The following PARD3B variants were observed in gnomAD, a reference collection of about 807,000 sequenced individuals.
PARD3B encodes the protein par-3 family cell polarity regulator beta.
A neutral mutation model predicts 130.2 loss-of-function variants in PARD3B; 103 were observed. The observed-to-expected ratio is 0.79, with a 90% CI of 0.67 to 0.93. PARD3B has a LOEUF of 0.93. Ranked by LOEUF, PARD3B falls within the 40% of genes least tolerant of loss-of-function variation. The probability of loss-of-function intolerance (pLI) is 0.00; values close to 1 mark genes in which losing one functional copy is unlikely to be tolerated. For missense variants in PARD3B, 1,609 were observed against 1,499.2 expected (o/e 1.07, Z -1.21); for synonymous variants, 583 against 553.2 (o/e 1.05, Z -0.76).
At chr2:205,515,611 T>A (rs2050763817) in intron 21 of PARD3B, among the ~76,000 whole-genome samples, 1 of 152,204 alleles carries the variant, frequency 6.6e-6, no homozygotes, top group South Asian at 2.1e-4. Context: ...TGTCTTTTTT[T>A]GAAAAGTATC....
chr2:205,374,028 G>A (rs148585656), intron 18 of PARD3B, among the ~76,000 whole-genome samples: 8 of 152,126 alleles, frequency 5.3e-5, no homozygotes, highest in East Asian at 3.9e-4. Context: ...TGTCAGTAGC[G>A]ATCATGAGAG....
Position 205,276,301 on chromosome 2 carries a change from C to T in PARD3B, c.2186-24229C>T, listed in dbSNP as rs543608278. On this transcript the variant is annotated intron_variant, in intron 16 of 22. Transcript: ENST00000406610. This position sits in a 1 kb window ranked among gnomAD's most constrained non-coding sequence, Gnocchi z 5.0. ...GCCTGGTGCTGACAGCCTTGGCAAA[C>T]AACCTAGAGAGAAAATATGTCTTCT... Among the ~76,000 whole-genome samples, 1 of 152,308 alleles carries T rather than the reference C, an allele frequency of 6.6e-6. No individual in the cohort carries two copies. Among genetic ancestry groups the T allele is most frequent in the South Asian group, 2.1e-4 (1 of 4,826 alleles).
chr2:205,543,581 G>T (rs1004810805), intron 21 of PARD3B, among the ~76,000 whole-genome samples: 2 of 152,212 alleles, frequency 1.3e-5, no homozygotes, highest in African/African-American at 4.8e-5. Flanking sequence ...ATTGTCGGGG[G>T]AGAAATGTTG....
At position 205,572,219 on chromosome 2, in the gene PARD3B, G is replaced by A. The variant is rs1402265248; in HGVS notation, c.3260+18816G>A. 1.3e-5 allele frequency among the ~76,000 whole-genome samples: 2 copies of A among 151,816 alleles called. No individual in the cohort carries two copies. Among genetic ancestry groups the A allele is most frequent in the African/African-American group, 2.4e-5 (1 of 41,092 alleles). On this transcript the variant is annotated intron_variant, in intron 22 of 22. Transcript: ENST00000406610. This position sits in a 1 kb window ranked among gnomAD's most constrained non-coding sequence, Gnocchi z 4.2. Reference sequence around the variant, plus strand: ...CAGTCTCTGGTACCTTGGGAAGAGAGTAGAAGAATGACAAATTATAGATTA... The same window carrying A: ...CAGTCTCTGGTACCTTGGGAAGAGAATAGAAGAATGACAAATTATAGATTA...
intron 2 of PARD3B, among the ~76,000 whole-genome samples, chr2:204,930,125 T>C (rs1294150931): frequency 2.0e-5 from 3 of 152,076 alleles, no homozygotes; most frequent in Non-Finnish European, 4.4e-5. Context: ...TCTCTCTATG[T>C]AGTCCATTCT....
chr2:204,699,214 C>T (rs912654053), intron 2 of PARD3B, among the ~76,000 whole-genome samples: 6 of 152,040 alleles, frequency 3.9e-5, no homozygotes, highest in African/African-American at 7.2e-5. Context: ...CCTGGAGACT[C>T]CCAGGGAGCC....
chr2:205,546,857 TA>T (rs2052402289), intron 21 of PARD3B, among the ~76,000 whole-genome samples: 1 of 152,186 alleles, frequency 6.6e-6, no homozygotes, highest in South Asian at 2.1e-4. Context: ...ATATAGCCAT[TA>T]AAAATCATGT....
chr2:204,750,230 A>G (rs1028299402), intron 2 of PARD3B, among the ~76,000 whole-genome samples: 2 of 152,190 alleles, frequency 1.3e-5, no homozygotes, highest in Non-Finnish European at 2.9e-5. Context: ...GCTTTGAGTT[A>G]AAAGGTGGTA....
At chr2:205,438,557 G>A (rs1354895929) in intron 19 of PARD3B, among the ~76,000 whole-genome samples, 2 of 152,158 alleles carry the variant, frequency 1.3e-5, no homozygotes, top group Admixed American at 6.5e-5. Context: ...TCAGGGTGCA[G>A]CAAGCATTCT....
chr2:205,243,127 T>C (rs1439310135), intron 15 of PARD3B, among the ~76,000 whole-genome samples: 1 of 152,066 alleles, frequency 6.6e-6, no homozygotes, highest in African/African-American at 2.4e-5. Flanking sequence ...GATCGTGCCA[T>C]TGCACTTTAG....
At chr2:205,377,817 C>A (rs1162555967) in intron 18 of PARD3B, among the ~76,000 whole-genome samples, 1 of 140,460 alleles carries the variant, frequency 7.1e-6, no homozygotes, top group Non-Finnish European at 1.5e-5. Flanking sequence ...GTTCCCCAGG[C>A]TGGAGTGCAA....
Position 205,444,292 on chromosome 2 carries a change from G to GT in PARD3B, c.3044+3630dup, listed in dbSNP as rs906828949. ...GCCACCATACCCGGCCTCTACAAAA[G>GT]TTTTTTTTTTAACTATCCAGGTGTG... is the stretch of plus-strand genomic sequence containing the variant. On this transcript the variant is annotated intron_variant, in intron 20 of 22. Coordinates refer to ENST00000406610, the MANE Select transcript of PARD3B (RefSeq NM_001302769.2). Among the ~76,000 whole-genome samples the GT allele has an allele frequency of 6.8e-4, 102 of 149,618 alleles. 1 individual carries two copies. The highest frequency in any genetic ancestry group is 5.1e-3 in the East Asian group (26 of 5,096).
intron 6 of PARD3B, among the ~76,000 whole-genome samples, chr2:205,115,973 T>C (rs146544412): frequency 6.6e-6 from 1 of 152,262 alleles, no homozygotes; most frequent in African/African-American, 2.4e-5. Context: ...GCCACACCTG[T>C]TGTTGAATAA....
In PARD3B at chr2:205,138,056, T is replaced by C. The variant is rs112402641; in HGVS notation, c.1434+12319T>C. Among the ~76,000 whole-genome samples the C allele has an allele frequency of 1.6e-3, 250 of 152,292 alleles. 2 individuals are homozygous for C. Among genetic ancestry groups the C allele is most frequent in the African/African-American group, 5.4e-3 (226 of 41,554 alleles). On this transcript the variant is annotated intron_variant, in intron 10 of 22. Transcript: ENST00000406610. The stretch of plus-strand genomic sequence containing the variant: ...ATAGGGAAGTGGGAGTGTGCACTGT[T>C]CTATAGCCGAATAAGTATTGGTCAG...
intron 2 of PARD3B, among the ~76,000 whole-genome samples, chr2:204,938,846 G>C (rs1688666578): frequency 6.6e-6 from 1 of 152,150 alleles, no homozygotes; most frequent in African/African-American, 2.4e-5. Flanking sequence ...CCGTAGCCCA[G>C]TGTAGTGCCT....
At chr2:204,567,818 C>T (rs778052122) in intron 1 of PARD3B, among the ~76,000 whole-genome samples, 3 of 152,186 alleles carry the variant, frequency 2.0e-5, no homozygotes, top group Non-Finnish European at 4.4e-5. Flanking sequence ...TATCATTTTA[C>T]AGTCCCATCA....
intron 19 of PARD3B, among the ~76,000 whole-genome samples, chr2:205,408,556 CAT>C (rs909262456): frequency 8.5e-5 from 13 of 152,240 alleles, no homozygotes; most frequent in African/African-American, 2.4e-4. Flanking sequence ...AATCTACACA[CAT>C]ATAACGCTCC....
At chr2:205,224,017 TCA>T (rs2038383264) in intron 15 of PARD3B, among the ~76,000 whole-genome samples, 1 of 142,758 alleles carries the variant, frequency 7.0e-6, no homozygotes, top group Non-Finnish European at 1.5e-5. Context: ...TGAGCCAAGA[TCA>T]CACCACTGCA....
intron 15 of PARD3B, among the ~76,000 whole-genome samples, chr2:205,224,389 G>GAAAAAAAAA (rs2038422829): frequency 1.8e-5 from 1 of 54,130 alleles, no homozygotes; most frequent in Non-Finnish European, 3.6e-5. Flanking sequence ...AAAAAAAAAA[G>GAAAAAAAAA]AAAGAAAGAA....
Sources: gnomAD v4.1 joint callset for allele counts (sites outside exome capture counted in the v4.1 genomes callset) on GRCh38, gnomAD v4.1.1 for gene constraint, Gnocchi (gnomAD v3.1) non-coding constraint, MANE v1.5 for transcripts, NCBI Gene and HGNC (gene_info 2026-07-23, HGNC 2026-07-21) for gene names.